The following THRB variants were observed in gnomAD, a reference collection of about 807,000 sequenced individuals.
THRB encodes nuclear receptor subfamily 1 group A member 2.
Under a neutral mutation model 47.8 loss-of-function variants are expected in THRB, and 12 were observed. That is an observed-to-expected ratio of 0.25 (90% CI 0.16 to 0.41). The LOEUF (loss-of-function observed/expected upper bound fraction) is 0.41. Ranked by LOEUF, THRB falls within the 10% of genes least tolerant of loss-of-function variation. THRB has a pLI of 1.00. For missense variants in THRB, 348 were observed against 589.2 expected (o/e 0.59, Z 4.24); for synonymous variants, 218 against 212.2 (o/e 1.03, Z -0.24).
chr3:24,169,215 T>G (rs2040093356), intron 5 of THRB, among the ~76,000 whole-genome samples: 2 of 152,260 alleles, frequency 1.3e-5, no homozygotes, highest in East Asian at 3.9e-4. Flanking sequence ...TCAATATGTG[T>G]CTGTGTGACT....
At chr3:24,124,438 A>G (rs1037630215) in intron 10 of THRB, among the ~76,000 whole-genome samples, 2 of 152,166 alleles carry the variant, frequency 1.3e-5, no homozygotes, top group South Asian at 2.1e-4. Context: ...GAAGATCAAC[A>G]TATTATTGCT....
At chr3:24,139,594 C>T (rs948149765) in intron 8 of THRB, among the ~76,000 whole-genome samples, 1 of 152,054 alleles carries the variant, frequency 6.6e-6, no homozygotes, top group Non-Finnish European at 1.5e-5. Context: ...CTATGTTTAC[C>T]AGGCTGGTCT....
intron 1 of THRB, among the ~76,000 whole-genome samples, chr3:24,337,806 T>C (rs1201572014): frequency 1.3e-5 from 2 of 152,164 alleles, no homozygotes; most frequent in African/African-American, 4.8e-5. Context: ...AGAGCTGCAA[T>C]TGAGCTGTCG....
In THRB at chr3:24,421,445, T is replaced by C. The variant is rs58056457; in HGVS notation, c.-261+73207A>G. 4.9e-4 allele frequency among the ~76,000 whole-genome samples: 74 copies of C among 151,854 alleles called. 3 individuals carry two copies. The East Asian group carries it at 0.013, about 26-fold the overall frequency. On this transcript the variant is annotated intron_variant, in intron 1 of 10. Transcript: ENST00000646209. Reference sequence around the variant, plus strand: ...GGCTCTGGTGTAGGTGAAAAGAGATTAAAGCAGGAAAAAGTACTAACCCAG... The same window carrying C: ...GGCTCTGGTGTAGGTGAAAAGAGATCAAAGCAGGAAAAAGTACTAACCCAG...
At chr3:24,199,736 T>TTATA (rs1358530361) in intron 4 of THRB, among the ~76,000 whole-genome samples, 1 of 152,190 alleles carries the variant, frequency 6.6e-6, no homozygotes, top group Non-Finnish European at 1.5e-5. Flanking sequence ...GTTTATAACA[T>TTATA]TTATAGAGGA....
chr3:24,139,380 CT>C (rs1275482963), intron 8 of THRB, among the ~76,000 whole-genome samples: 2 of 127,996 alleles, frequency 1.6e-5, no homozygotes, highest in Non-Finnish European at 3.3e-5. Context: ...CTTTCTTTTT[CT>C]TTTCTTTCTT....
At chr3:24,474,244 A>G (rs1460351761) in intron 1 of THRB, among the ~76,000 whole-genome samples, 2 of 152,342 alleles carry the variant, frequency 1.3e-5, no homozygotes, top group East Asian at 1.9e-4. Flanking sequence ...TAACATTAAC[A>G]TATCTTCAGA....
At chr3:24,427,835 A>C (rs1457493954) in intron 1 of THRB, among the ~76,000 whole-genome samples, 2 of 152,068 alleles carry the variant, frequency 1.3e-5, no homozygotes, top group Non-Finnish European at 2.9e-5. Context: ...TCTTTAACCA[A>C]GAAGATTTGG....
In THRB at chr3:24,375,120, T is replaced by C. The variant is rs191149056; in HGVS notation, c.-260-37749A>G. On this transcript the variant is annotated intron_variant, in intron 1 of 10. Transcript: ENST00000646209. ...TTTATAAAAGCTCAGGTTTTATGACTGACGATTTAAAAAAAGAGAGAGAGA... is the reference window on the plus strand; with the variant it reads ...TTTATAAAAGCTCAGGTTTTATGACCGACGATTTAAAAAAAGAGAGAGAGA... Among the ~76,000 whole-genome samples, 175 of 151,694 alleles carry C rather than the reference T, an allele frequency of 1.2e-3. 1 individual carries two copies. The highest frequency in any genetic ancestry group is 2.0e-3 in the Non-Finnish European group (134 of 67,882).
At chr3:24,147,532 T>C (rs1307583340) in intron 6 of THRB, among the ~76,000 whole-genome samples, 2 of 152,230 alleles carry the variant, frequency 1.3e-5, no homozygotes, top group Admixed American at 6.5e-5. Context: ...ACAGGTTCAA[T>C]GATTCTTCCT....
intron 1 of THRB, among the ~76,000 whole-genome samples, chr3:24,479,016 C>T (rs938057543): frequency 1.3e-5 from 2 of 152,088 alleles, no homozygotes; most frequent in Non-Finnish European, 2.9e-5. Context: ...TCCTATAATG[C>T]GGCCGGGCGC....
At chr3:24,385,022 T>C (rs1577232705) in intron 1 of THRB, among the ~76,000 whole-genome samples, 1 of 152,120 alleles carries the variant, frequency 6.6e-6, no homozygotes, top group Non-Finnish European at 1.5e-5. Flanking sequence ...AGTAAAAGTA[T>C]AATGGTTTTC....
chr3:24,450,800 G>A (rs190722712), intron 1 of THRB, among the ~76,000 whole-genome samples: 113 of 152,256 alleles, frequency 7.4e-4, no homozygotes, highest in Non-Finnish European at 1.1e-3. Context: ...CAAACAAAAT[G>A]TTGCAATCTT....
At chr3:24,425,782 G>A (rs2069699016) in intron 1 of THRB, among the ~76,000 whole-genome samples, 1 of 151,888 alleles carries the variant, frequency 6.6e-6, no homozygotes, top group East Asian at 1.9e-4. Flanking sequence ...TGGCTCTACA[G>A]GCTACCAGTT....
At chr3:24,458,297 C>T (rs2073374673) in intron 1 of THRB, 1 of 152,112 alleles carries the variant, frequency 6.6e-6, no homozygotes, top group East Asian at 1.9e-4. Context: ...GCTGAAGACC[C>T]TGTTGTACTG....
At chr3:24,480,774 AATGTCCAATCACTC>A (rs1696237515) in intron 1 of THRB, among the ~76,000 whole-genome samples, 1 of 152,214 alleles carries the variant, frequency 6.6e-6, no homozygotes, top group South Asian at 2.1e-4. Flanking sequence ...CCTTCAGGGC[AATGTCCAATCACTC>A]ATCCTCCATG....
At chr3:24,185,059 TGATTC>T (rs2042394840) in intron 5 of THRB, among the ~76,000 whole-genome samples, 1 of 152,260 alleles carries the variant, frequency 6.6e-6, no homozygotes, top group African/African-American at 2.4e-5. Flanking sequence ...ATCACTGATT[TGATTC>T]ATTTTTTTTG....
intron 3 of THRB, among the ~76,000 whole-genome samples, chr3:24,253,234 T>C (rs2050847659): frequency 6.6e-6 from 1 of 152,122 alleles, no homozygotes; most frequent in Non-Finnish European, 1.5e-5. Context: ...TTGTTGTATA[T>C]CTATAGAAAG....
At chr3:24,456,122 A>C (rs1471382054) in intron 1 of THRB, among the ~76,000 whole-genome samples, 1 of 152,084 alleles carries the variant, frequency 6.6e-6, no homozygotes, top group African/African-American at 2.4e-5. Flanking sequence ...TGAGGTCAAG[A>C]GTTTGAGACC....
Sources: gnomAD v4.1 joint callset for allele counts (sites outside exome capture counted in the v4.1 genomes callset) on GRCh38, gnomAD v4.1.1 for gene constraint, MANE v1.5 for transcripts, NCBI Gene and HGNC (gene_info 2026-07-23, HGNC 2026-07-21) for gene names.